The following CRX variants were observed in gnomAD, a reference collection of about 807,000 sequenced individuals.
CRX encodes the protein cone-rod homeobox protein.
Under a neutral mutation model 13.1 loss-of-function variants are expected in CRX, and 5 were observed. The observed-to-expected ratio is 0.38, with a 90% CI of 0.20 to 0.80. The LOEUF (loss-of-function observed/expected upper bound fraction) is 0.80, where lower values mean the gene tolerates loss of function less well. Among genes scored for constraint, CRX ranks in the 30% least tolerant of loss-of-function variants. CRX has a pLI of 0.43. For missense variants in CRX, 351 were observed against 391.8 expected (o/e 0.90, Z 0.88); for synonymous variants, 179 against 171.1 (o/e 1.05, Z -0.36).
chr19:47,834,411 C>A lies in CRX; in HGVS notation c.-33C>A. The A allele has an allele frequency of 6.6e-7, 1 of 1,519,134 alleles. No individual in the cohort carries two copies. Among genetic ancestry groups the A allele is most frequent in the Non-Finnish European group, 9.1e-7 (1 of 1,093,432 alleles). The allele number at this position is 1,519,134 out of a possible 1,614,324, so 94.1% of individuals were successfully genotyped here. A position where few individuals can be genotyped will look rare whatever the true frequency, so the allele number is the denominator to read the frequency against. ...GCATCCCTCCTCTTCTCTTGCAGGC[C>A]CCCTGACTTGGGCCTCAGTGTCCCC... On this transcript the variant is annotated splice_region_variant and 5_prime_UTR_variant, in exon 2 of 4. Coordinates refer to ENST00000221996, the MANE Select transcript of CRX (RefSeq NM_000554.6).
intron 1 of CRX, among the ~76,000 whole-genome samples, chr19:47,828,317 G>A (rs2123732578): frequency 6.6e-6 from 1 of 152,216 alleles, no homozygotes; most frequent in East Asian, 1.9e-4. Flanking sequence ...TGAATGAACA[G>A]TAGAATCTCA....
chr19:47,837,855 A>G (rs1436806357), intron 3 of CRX, among the ~76,000 whole-genome samples: 12 of 152,106 alleles, frequency 7.9e-5, no homozygotes. Context: ...TGGACTGGTG[A>G]ATGTGTGTAT....
intron 1 of CRX, among the ~76,000 whole-genome samples, chr19:47,832,636 C>T (rs1454501274): frequency 1.3e-5 from 2 of 151,794 alleles, no homozygotes; most frequent in Non-Finnish European, 2.9e-5. Context: ...CAGGCGTGCA[C>T]CCCTGTGCCC....
chr19:47,828,103 G>A (rs1208083672), intron 1 of CRX, among the ~76,000 whole-genome samples: 4 of 151,570 alleles, frequency 2.6e-5, no homozygotes, highest in Non-Finnish European at 4.4e-5. Flanking sequence ...GCAGTGAGCC[G>A]AGATCAAGCC....
chr19:47,834,275 T>A, intron 1 of CRX, 134 bp from the exon 2 acceptor site: 1 of 673,592 alleles, frequency 1.5e-6, no homozygotes. Context: ...GACACAGAGG[T>A]ACAGAGAGGT....
chr19:47,838,892 T>C (rs182249298), intron 3 of CRX, among the ~76,000 whole-genome samples: 4 of 151,930 alleles, frequency 2.6e-5, no homozygotes, highest in Admixed American at 2.0e-4. Flanking sequence ...ATCATATAGA[T>C]GGGTAAATGT....
chr19:47,836,572 C>T (rs990450236), intron 3 of CRX, among the ~76,000 whole-genome samples, 178 bp downstream of exon 3: 4 of 152,240 alleles, frequency 2.6e-5, no homozygotes, highest in Admixed American at 6.5e-5. Context: ...CATTGCCCCT[C>T]GCTCCTCTCC....
chr19:47,833,235 G>C (rs1599980579), intron 1 of CRX, among the ~76,000 whole-genome samples: 1 of 136,566 alleles, frequency 7.3e-6, no homozygotes, highest in East Asian at 2.0e-4. Flanking sequence ...GCCTTGCTTA[G>C]CCCTTACTGT....
Position 47,839,963 on chromosome 19 carries a change from T to C in CRX, c.896T>C (p.Leu299Ser). 6.2e-7 allele frequency: 1 copy of C among 1,613,268 alleles called. No individual in the cohort carries two copies. The highest frequency in any genetic ancestry group is 2.2e-5 in the East Asian group (1 of 44,874). ...CAGAGTGCCTGGAAGTTTCAGATCT[T>C]GTAGAGGACGCAGTCTCCATCTCTC... ...KDQSAWKFQI[L>S] The change falls in exon 4 of 4, where the codon TTG becomes TCG. Residue 299 changes from leucine (L) to serine (S), a missense_variant. This residue lies in a region of CRX where 253 missense variants were observed against 268.3 expected (regional missense o/e 0.94). Transcript: ENST00000221996. The surrounding 1 kb of genome is among the most constrained non-coding windows in gnomAD (Gnocchi z 4.6).
chr19:47,825,131 C>T (rs1028668530), intron 1 of CRX, among the ~76,000 whole-genome samples: 1 of 151,472 alleles, frequency 6.6e-6, no homozygotes, highest in African/African-American at 2.4e-5. Context: ...GCTGGGACAA[C>T]ACCATGCCCG....
At chr19:47,838,730 A>G (rs1968150673) in intron 3 of CRX, among the ~76,000 whole-genome samples, 1 of 151,452 alleles carries the variant, frequency 6.6e-6, no homozygotes, top group African/African-American at 2.4e-5. Flanking sequence ...TTTGTATTAG[A>G]TGGGTGGATG....
chr19:47,842,048 T>C lies in CRX; in HGVS notation c.*2081T>C, dbSNP rs1436912068. 1 of 152,162 alleles carries C rather than the reference T, an allele frequency of 6.6e-6. No homozygotes were observed. The highest frequency in any genetic ancestry group is 1.9e-4 in the East Asian group (1 of 5,186). 9.4% of individuals were successfully genotyped at this position (152,162 alleles called of 1,614,324 possible). On this transcript the variant is annotated 3_prime_UTR_variant, in exon 4 of 4. Transcript: ENST00000221996. The stretch of plus-strand genomic sequence containing the variant: ...AGAGTTGGGAAGAGATAGGGCACAA[T>C]ATATGCTTACGAGTTGGTACACACC...
At chr19:47,836,531 C>G in intron 3 of CRX, 137 bp downstream of exon 3, 2 of 1,156,234 alleles carry the variant, frequency 1.7e-6, no homozygotes, top group South Asian at 2.7e-5. Context: ...AATCCCTCTC[C>G]CCACCATCCC....
Position 47,836,413 on chromosome 19 carries a change from G to C in CRX, c.252+19G>C, listed in dbSNP as rs752845421. 1.2e-6 allele frequency: 2 copies of C among 1,614,152 alleles called. No individual in the cohort carries two copies. Among genetic ancestry groups the C allele is most frequent in the South Asian group, 2.2e-5 (2 of 91,082 alleles). On this transcript the variant is annotated intron_variant, in intron 3 of 3. Coordinates refer to ENST00000221996, the MANE Select transcript of CRX (RefSeq NM_000554.6). ...GGTTCAGGTGGGGTGGTGGGTCCCT[G>C]GACCCCTCCCGACACTTCCTGTGAT...
At chr19:47,827,018 G>A (rs11665765) in intron 1 of CRX, among the ~76,000 whole-genome samples, 29,884 of 152,052 alleles carry the variant, frequency 0.2, 3,069 homozygotes, top group Non-Finnish European at 0.22. Flanking sequence ...ACAACATGGC[G>A]GCTGGCTTTC....
chr19:47,825,963 G>A (rs555733069), intron 1 of CRX, among the ~76,000 whole-genome samples: 10 of 152,196 alleles, frequency 6.6e-5, no homozygotes, highest in South Asian at 6.2e-4. Flanking sequence ...AGTGGTGATC[G>A]TAAATGTGAG....
At position 47,832,105 on chromosome 19, in the gene CRX, G is replaced by GTTTTTTTTTTTTTTTTTT. The variant is rs71180891; in HGVS notation, c.-35-2303_-35-2286dup. 3.8e-4 allele frequency among the ~76,000 whole-genome samples: 35 copies of GTTTTTTTTTTTTTTTTTT among 91,982 alleles called. 4 individuals carry two copies. The highest frequency in any genetic ancestry group is 5.4e-4 in the Non-Finnish European group (26 of 48,592). 60.3% of individuals were successfully genotyped at this position (91,982 alleles called of 152,430 possible). On this transcript the variant is annotated intron_variant, in intron 1 of 3. Transcript: ENST00000221996. ...AAATCAGTTCAGAGAGCAGCCTTAT[G>GTTTTTTTTTTTTTTTTTT]TTTTTTTTTTTTTTTTTTGAGACGG... is the stretch of plus-strand genomic sequence containing the variant.
intron 1 of CRX, among the ~76,000 whole-genome samples, chr19:47,822,300 G>A (rs1461818193): frequency 6.6e-6 from 1 of 152,186 alleles, no homozygotes; most frequent in Non-Finnish European, 1.5e-5. Context: ...AGCCCTGACG[G>A]CATCCGGGGT....
rs145117150 is a variant in CRX, at chr19:47,839,685, C to T, written c.618C>T (p.Ser206=). The T allele has an allele frequency of 1.3e-4, 217 of 1,613,922 alleles. No homozygotes were observed. The African/African-American group carries it at 2.1e-3, about 16-fold the overall frequency. ...APASAFCSSP[S]AYGSPSSYFS... ...CCTCCGCTTTCTGCTCTTCCCCCTC[C>T]GCCTATGGGTCTCCGAGCTCCTATT... is the stretch of plus-strand genomic sequence containing the variant. Residue 206 remains serine, a synonymous_variant, in exon 4 of 4, where the codon TCC becomes TCT. Coordinates refer to ENST00000221996, the MANE Select transcript of CRX (RefSeq NM_000554.6). The surrounding 1 kb of genome is among the most constrained non-coding windows in gnomAD (Gnocchi z 4.6).
Sources: gnomAD v4.1 joint callset for allele counts (sites outside exome capture counted in the v4.1 genomes callset) on GRCh38, gnomAD v4.1.1 for gene constraint, gnomAD v4.1.1 regional missense constraint, Gnocchi (gnomAD v3.1) non-coding constraint, MANE v1.5 for transcripts, NCBI Gene and HGNC (gene_info 2026-07-23, HGNC 2026-07-21) for gene names.